SLC14A2: variants seen among roughly 807,000 people sequenced by gnomAD.
SLC14A2 encodes urea transporter 2.
In SLC14A2, 91 loss-of-function variants were observed where a neutral mutation model predicts 104.6. The observed-to-expected ratio is 0.87, with a 90% CI of 0.73 to 1.04. The LOEUF (loss-of-function observed/expected upper bound fraction) is 1.04. Among genes scored for constraint, SLC14A2 ranks in the 50% least tolerant of loss-of-function variants. SLC14A2 has a pLI of 0.00. For synonymous variants in SLC14A2, 476 were observed against 466.4 expected (o/e 1.02, Z -0.27); for missense variants, 1,189 against 1,156.0 (o/e 1.03, Z -0.41).
intron 1 of SLC14A2, among the ~76,000 whole-genome samples, chr18:45,333,124 T>C (rs986111158): frequency 1.3e-5 from 2 of 152,174 alleles, no homozygotes; most frequent in African/African-American, 4.8e-5. Context: ...TGGTTTGTGG[T>C]TTCAGGTTAT....
intron 2 of SLC14A2, among the ~76,000 whole-genome samples, chr18:45,498,763 G>A (rs528482240): frequency 3.9e-5 from 6 of 152,202 alleles, no homozygotes; most frequent in Admixed American, 1.3e-4. Context: ...AACTTTCCTT[G>A]GTCCTGCTTT....
Position 45,535,010 on chromosome 18 carries a change from C to T in SLC14A2, c.-35+51688C>T, listed in dbSNP as rs147457503. Among the ~76,000 whole-genome samples, 223 of 152,278 alleles carry T rather than the reference C, an allele frequency of 1.5e-3. 1 individual carries two copies. Among genetic ancestry groups the T allele is most frequent in the Non-Finnish European group, 2.6e-3 (176 of 68,016 alleles). On this transcript the variant is annotated intron_variant, in intron 2 of 20. Coordinates refer to the SLC14A2 transcript ENST00000586448. ...AAATGAATTAGCTGGTTAATGAGACCTAAGGTCTGGTGGATGTCTGTAATT... is the reference window on the plus strand; with the variant it reads ...AAATGAATTAGCTGGTTAATGAGACTTAAGGTCTGGTGGATGTCTGTAATT...
intron 2 of SLC14A2, among the ~76,000 whole-genome samples, chr18:45,509,977 G>T (rs1480568755): frequency 6.6e-6 from 1 of 152,170 alleles, no homozygotes; most frequent in Non-Finnish European, 1.5e-5. Flanking sequence ...TCTGAGTGGA[G>T]GGGTTGCCCA....
intron 2 of SLC14A2, among the ~76,000 whole-genome samples, chr18:45,536,597 T>C (rs1343652254): frequency 6.6e-6 from 1 of 152,218 alleles, no homozygotes; most frequent in Non-Finnish European, 1.5e-5. Context: ...TCTTCTCCAG[T>C]ATGATCTCAT....
intron 4 of SLC14A2, among the ~76,000 whole-genome samples, chr18:45,630,300 C>A (rs1026102376): frequency 6.6e-6 from 1 of 152,164 alleles, no homozygotes; most frequent in Non-Finnish European, 1.5e-5. Flanking sequence ...GCCACGAGCT[C>A]ACTGCTGTAC....
intron 1 of SLC14A2, among the ~76,000 whole-genome samples, chr18:45,275,833 G>A (rs1001888246): frequency 6.6e-6 from 1 of 152,184 alleles, no homozygotes; most frequent in Non-Finnish European, 1.5e-5. Flanking sequence ...ACATTTCAAT[G>A]AGGGAGATAG....
intron 2 of SLC14A2, among the ~76,000 whole-genome samples, chr18:45,591,886 C>G (rs2044651679): frequency 6.6e-6 from 1 of 152,226 alleles, no homozygotes; most frequent in African/African-American, 2.4e-5. Context: ...AGTAGAGCCA[C>G]TAGATTTCCA....
chr18:45,256,184 CGGT>C (rs1251037763), intron 1 of SLC14A2, among the ~76,000 whole-genome samples: 1 of 151,976 alleles, frequency 6.6e-6, no homozygotes, highest in African/African-American at 2.4e-5. Context: ...AGATCTCAGA[CGGT>C]AGAGGAAAGA....
intron 1 of SLC14A2, among the ~76,000 whole-genome samples, chr18:45,475,648 TA>T (rs2087354303): frequency 1.7e-4 from 2 of 12,026 alleles, no homozygotes; most frequent in South Asian, 6.8e-3. Context: ...TTAGGATATA[TA>T]TATATATATA....
At chr18:45,597,481 C>T (rs542149688) in intron 2 of SLC14A2, among the ~76,000 whole-genome samples, 45 of 152,286 alleles carry the variant, frequency 3.0e-4, no homozygotes, top group African/African-American at 1.0e-3. Context: ...GGTAGTTCCC[C>T]AAGAATGTCA....
At chr18:45,205,333 G>A in the SLC14A2 span, among the ~76,000 whole-genome samples, 2 of 152,334 alleles carry the variant, frequency 1.3e-5, no homozygotes, top group African/African-American at 4.8e-5. Flanking sequence ...AAGCCAGTGT[G>A]GGAAGGATGG....
intron 1 of SLC14A2, among the ~76,000 whole-genome samples, chr18:45,270,675 A>G (rs1371381461): frequency 6.6e-6 from 1 of 152,114 alleles, no homozygotes; most frequent in African/African-American, 2.4e-5. Flanking sequence ...TGGCACTGAT[A>G]AAGAAAACTG....
chr18:45,490,853 A>G (rs991474088), intron 2 of SLC14A2, among the ~76,000 whole-genome samples: 1 of 152,252 alleles, frequency 6.6e-6, no homozygotes, highest in African/African-American at 2.4e-5. Flanking sequence ...AAAATGGCCT[A>G]TAAAAATATG....
chr18:45,256,665 C>G (rs1340757289), intron 1 of SLC14A2, among the ~76,000 whole-genome samples: 1 of 152,218 alleles, frequency 6.6e-6, no homozygotes, highest in African/African-American at 2.4e-5. Flanking sequence ...ATAGAACTAT[C>G]ATTAAGACAG....
chr18:45,357,636 C>A (rs1353689556), intron 1 of SLC14A2, among the ~76,000 whole-genome samples: 1 of 151,906 alleles, frequency 6.6e-6, no homozygotes, highest in Non-Finnish European at 1.5e-5. Flanking sequence ...GACCACCCCA[C>A]AGTGTGTGGG....
chr18:45,380,333 C>T (rs1271919301), intron 1 of SLC14A2, among the ~76,000 whole-genome samples: 1 of 152,172 alleles, frequency 6.6e-6, no homozygotes, highest in African/African-American at 2.4e-5. Flanking sequence ...GGGTTTATTA[C>T]TCTTTGTAGC....
chr18:45,614,373 A>T (rs1346450115), upstream of SLC14A2, among the ~76,000 whole-genome samples: 1 of 152,222 alleles, frequency 6.6e-6, no homozygotes, highest in African/African-American at 2.4e-5. Flanking sequence ...GTGAAGTTGG[A>T]GCCCCCACAC....
chr18:45,289,726 AG>A (rs2084850555), intron 1 of SLC14A2, among the ~76,000 whole-genome samples: 1 of 152,296 alleles, frequency 6.6e-6, no homozygotes, highest in Non-Finnish European at 1.5e-5. Flanking sequence ...AGCAGAAAGG[AG>A]GTGGTGTCTG....
chr18:45,361,638 C>T (rs911523701), intron 1 of SLC14A2, among the ~76,000 whole-genome samples: 19 of 152,158 alleles, frequency 1.2e-4, no homozygotes, highest in African/African-American at 4.6e-4. Flanking sequence ...GAACTCTGTG[C>T]CTGCACCCAA....
Sources: gnomAD v4.1 joint callset for allele counts (sites outside exome capture counted in the v4.1 genomes callset) on GRCh38, gnomAD v4.1.1 for gene constraint, MANE v1.5 for transcripts, NCBI Gene and HGNC (gene_info 2026-07-23, HGNC 2026-07-21) for gene names.